The following NXPE2 variants were observed in gnomAD, a reference collection of about 807,000 sequenced individuals.
The protein encoded by NXPE2 is NXPE family member 2.
In NXPE2, 34 loss-of-function variants were observed where a neutral mutation model predicts 34.4. That is an observed-to-expected ratio of 0.99 (90% CI 0.75 to 1.31). The LOEUF is 1.31. Ranked by LOEUF, NXPE2 falls within the 40% of genes most tolerant of loss-of-function variation. NXPE2 has a pLI of 0.00. For missense variants in NXPE2, 649 were observed against 672.5 expected (o/e 0.97, Z 0.39); for synonymous variants, 235 against 231.3 (o/e 1.02, Z -0.15).
the NXPE2 span, among the ~76,000 whole-genome samples, chr11:114,491,546 T>G: frequency 2.0e-5 from 3 of 152,076 alleles, no homozygotes; most frequent in Non-Finnish European, 4.4e-5. Context: ...TAGGAACACT[T>G]TTACGTTGTT....
At chr11:114,621,750 A>G in the NXPE2 span, among the ~76,000 whole-genome samples, 1 of 149,964 alleles carries the variant, frequency 6.7e-6, no homozygotes, top group Non-Finnish European at 1.5e-5. Flanking sequence ...GTTAACTGCT[A>G]GATAATAGGT....
the NXPE2 span, among the ~76,000 whole-genome samples, chr11:114,487,726 A>G: frequency 6.6e-6 from 1 of 152,052 alleles, no homozygotes; most frequent in Admixed American, 6.6e-5. Flanking sequence ...TTTATCATGA[A>G]GGGATGTTGA....
At chr11:114,582,232 A>G in the NXPE2 span, 2 of 1,514,060 alleles carry the variant, frequency 1.3e-6, no homozygotes, top group East Asian at 2.3e-5. Flanking sequence ...TTGGATCAGT[A>G]TATAGGCCAA....
At chr11:114,536,572 A>G in the NXPE2 span, among the ~76,000 whole-genome samples, 4 of 152,334 alleles carry the variant, frequency 2.6e-5, no homozygotes, top group Middle Eastern at 3.4e-3. Context: ...AGAATCAAAT[A>G]GACGCCATAA....
At chr11:114,476,281 T>C in the NXPE2 span, among the ~76,000 whole-genome samples, 1 of 152,034 alleles carries the variant, frequency 6.6e-6, no homozygotes, top group Non-Finnish European at 1.5e-5. Flanking sequence ...TGAAGTTGTA[T>C]ACATATCTCT....
the NXPE2 span, among the ~76,000 whole-genome samples, chr11:114,806,027 T>A: frequency 6.6e-6 from 1 of 152,162 alleles, no homozygotes; most frequent in African/African-American, 2.4e-5. Flanking sequence ...CAGCAGCATT[T>A]GCAGTTCACC....
the NXPE2 span, among the ~76,000 whole-genome samples, chr11:114,577,374 T>G: frequency 6.6e-6 from 1 of 151,712 alleles, no homozygotes; most frequent in African/African-American, 2.4e-5. Context: ...TTAAGAATGA[T>G]ACAGTGGACT....
chr11:114,745,229 C>T, the NXPE2 span, among the ~76,000 whole-genome samples: 1 of 152,122 alleles, frequency 6.6e-6, no homozygotes, highest in Non-Finnish European at 1.5e-5. Context: ...ATTTGGGTCA[C>T]AGTTCTGCAG....
the NXPE2 span, among the ~76,000 whole-genome samples, chr11:114,547,512 A>G: frequency 2.0e-5 from 3 of 152,202 alleles, no homozygotes; most frequent in Non-Finnish European, 4.4e-5. Flanking sequence ...AGGCAGGTTG[A>G]TCACTTGAGG....
chr11:114,549,246 C>T, the NXPE2 span, among the ~76,000 whole-genome samples: 1 of 151,998 alleles, frequency 6.6e-6, no homozygotes, highest in East Asian at 1.9e-4. Context: ...CAAATAAAAA[C>T]AAAAAGCTTC....
the NXPE2 span, among the ~76,000 whole-genome samples, chr11:114,610,837 G>T: frequency 2.0e-5 from 3 of 151,856 alleles, no homozygotes; most frequent in African/African-American, 7.2e-5. Context: ...TGGATAATAA[G>T]TATTGCCTCT....
At chr11:114,699,824 C>A (rs149447711) in intron 3 of NXPE2, among the ~76,000 whole-genome samples, 1 of 149,350 alleles carries the variant, frequency 6.7e-6, no homozygotes, top group African/African-American at 2.5e-5. Context: ...GACCGAGTCT[C>A]GCTCTGTCAC....
the NXPE2 span, among the ~76,000 whole-genome samples, chr11:114,479,601 G>A: frequency 2.0e-5 from 3 of 152,084 alleles, no homozygotes; most frequent in Non-Finnish European, 1.5e-5. Context: ...GGTATAGGAA[G>A]GAGGAGTTAA....
chr11:114,583,746 A>C, the NXPE2 span: 2 of 504,910 alleles, frequency 4.0e-6, no homozygotes. Flanking sequence ...GAACTGCTAA[A>C]GTATCACCAG....
the NXPE2 span, among the ~76,000 whole-genome samples, chr11:114,587,707 A>C: frequency 1.8e-3 from 274 of 152,300 alleles, 1 homozygote; most frequent in African/African-American, 6.3e-3. Context: ...CCTCCACCCT[A>C]GGCCTTTCCA....
chr11:114,625,364 C>T, the NXPE2 span, among the ~76,000 whole-genome samples: 5 of 152,106 alleles, frequency 3.3e-5, no homozygotes, highest in African/African-American at 9.7e-5. Context: ...TAAGTATTGC[C>T]TCTTGGGTAA....
chr11:114,755,745 TC>T, the NXPE2 span, among the ~76,000 whole-genome samples: 13 of 151,616 alleles, frequency 8.6e-5, no homozygotes, highest in African/African-American at 2.9e-4. Context: ...CATCTCTCTC[TC>T]TCTCTCTCTC....
chr11:114,659,459 GAA>G, the NXPE2 span, among the ~76,000 whole-genome samples: 1 of 145,616 alleles, frequency 6.9e-6, no homozygotes, highest in Non-Finnish European at 1.5e-5. Flanking sequence ...AAAGAGTGAA[GAA>G]AAAAAAAACA....
At chr11:114,792,622 C>A in the NXPE2 span, among the ~76,000 whole-genome samples, 3,300 of 152,232 alleles carry the variant, frequency 0.022, 117 homozygotes, top group African/African-American at 0.075. Flanking sequence ...GATGATATAC[C>A]ATTTCTATAA....
Sources: gnomAD v4.1 joint callset for allele counts (sites outside exome capture counted in the v4.1 genomes callset) on GRCh38, gnomAD v4.1.1 for gene constraint, MANE v1.5 for transcripts, NCBI Gene and HGNC (gene_info 2026-07-23, HGNC 2026-07-21) for gene names.